The following IFFO2 variants were observed in gnomAD, a reference collection of about 807,000 sequenced individuals.
The protein encoded by IFFO2 is intermediate filament family orphan 2.
Under a neutral mutation model 53.5 loss-of-function variants are expected in IFFO2, and 19 were observed. That is an observed-to-expected ratio of 0.36 (90% CI 0.25 to 0.52). The LOEUF (loss-of-function observed/expected upper bound fraction) is 0.52, where lower values mean the gene tolerates loss of function less well. Ranked by LOEUF, IFFO2 falls within the 20% of genes least tolerant of loss-of-function variation. The probability of loss-of-function intolerance (pLI) is 0.94; values close to 1 mark genes in which losing one functional copy is unlikely to be tolerated. For missense variants in IFFO2, 570 were observed against 727.4 expected (o/e 0.78, Z 2.49); for synonymous variants, 303 against 313.6 (o/e 0.97, Z 0.36).
intron 1 of IFFO2, among the ~76,000 whole-genome samples, chr1:18,926,329 G>C (rs956779407): frequency 6.6e-6 from 1 of 152,194 alleles, no homozygotes; most frequent in Non-Finnish European, 1.5e-5. Context: ...TCCTGGGAGA[G>C]GCCAGGCCAG....
chr1:18,918,562 G>T lies in IFFO2; in HGVS notation c.823-60C>A. ...GGATGGAGCAAGCCTGGGGGGCTTG[G>T]CAGAGAGGTGGGGAGACCCCTAGGT... On this transcript the variant is annotated intron_variant, in intron 3 of 8. Transcript: ENST00000455833. This position sits in a 1 kb window ranked among gnomAD's most constrained non-coding sequence, Gnocchi z 5.2. 2 of 1,528,160 alleles carry T rather than the reference G, an allele frequency of 1.3e-6. No individual in the cohort carries two copies. Among genetic ancestry groups the T allele is most frequent in the Non-Finnish European group, 1.8e-6 (2 of 1,127,428 alleles). 94.7% of individuals were successfully genotyped at this position (1,528,160 alleles called of 1,614,324 possible).
rs1936327158 is a variant in IFFO2 at position 18,928,085 on chromosome 1, C to A, written c.666-6964G>T. On this transcript the variant is annotated intron_variant, in intron 1 of 8. Coordinates refer to ENST00000455833, the MANE Select transcript of IFFO2 (RefSeq NM_001136265.2). The surrounding 1 kb of genome is among the most constrained non-coding windows in gnomAD (Gnocchi z 4.9). ...CACGTGTGGATGCCTTGCCTCCTGA[C>A]TTTCTCTCCCACATGGCACGCTGCA... Among the ~76,000 whole-genome samples the A allele has an allele frequency of 6.6e-6, 1 of 152,194 alleles. No individual in the cohort carries two copies. Among genetic ancestry groups the A allele is most frequent in the Non-Finnish European group, 1.5e-5 (1 of 68,026 alleles).
chr1:18,924,001 T>C (rs902387237), intron 1 of IFFO2, among the ~76,000 whole-genome samples: 4 of 152,204 alleles, frequency 2.6e-5, no homozygotes, highest in African/African-American at 9.6e-5. Flanking sequence ...GGGCTTTTTA[T>C]TTCCAAAGCC....
At chr1:18,914,959 G>A (rs558646655) in intron 5 of IFFO2, among the ~76,000 whole-genome samples, 32 of 152,052 alleles carry the variant, frequency 2.1e-4, no homozygotes, top group East Asian at 7.7e-4. Flanking sequence ...ATACAGCTCC[G>A]ATCCCAGTTC....
intron 1 of IFFO2, among the ~76,000 whole-genome samples, chr1:18,927,067 T>G (rs74775954): frequency 0.014 from 2,115 of 152,222 alleles, 45 homozygotes; most frequent in East Asian, 0.11. Flanking sequence ...TGGGCCTCAG[T>G]TGTCCCCTCT....
At chr1:18,950,217 C>T (rs1223188242) in intron 1 of IFFO2, among the ~76,000 whole-genome samples, 1 of 152,212 alleles carries the variant, frequency 6.6e-6, no homozygotes, top group African/African-American at 2.4e-5. Flanking sequence ...GCCGTTCTCC[C>T]TCCACCCCCA....
intron 1 of IFFO2, among the ~76,000 whole-genome samples, chr1:18,929,513 C>T (rs533813477): frequency 1.6e-3 from 246 of 152,312 alleles, no homozygotes; most frequent in Non-Finnish European, 2.5e-3. Context: ...TGAGTCCCAT[C>T]GCCAGGCAGG....
rs200118096 is a variant in IFFO2, at chr1:18,919,846, T to A, written c.727-73A>T. 3 of 1,083,762 alleles carry A rather than the reference T, an allele frequency of 2.8e-6. No individual in the cohort carries two copies. In the East Asian group the frequency reaches 7.8e-5, roughly 28 times the overall value. The allele number at this position is 1,083,762 out of a possible 1,614,324, so 67.1% of individuals were successfully genotyped here. ...GGATAGGAGGGTCTGGACACCTGAG[T>A]CCAGAGCCCTAGGCACCCGATGTCC... On this transcript the variant is annotated intron_variant, in intron 2 of 8. Transcript: ENST00000455833. This position sits in a 1 kb window ranked among gnomAD's most constrained non-coding sequence, Gnocchi z 4.9.
chr1:18,931,306 C>T (rs1032887873), intron 1 of IFFO2, among the ~76,000 whole-genome samples: 1 of 152,178 alleles, frequency 6.6e-6, no homozygotes, highest in African/African-American at 2.4e-5. Context: ...TCCCCCTACC[C>T]CTAAAAAACC....
At chr1:18,922,622 T>C (rs4603153) in intron 1 of IFFO2, among the ~76,000 whole-genome samples, 143,443 of 152,168 alleles carry the variant, frequency 0.94, 67,630 homozygotes, top group South Asian at 0.96. Context: ...GCATTAGCTG[T>C]TAGGCTGAGA....
In IFFO2 at chr1:18,916,443, A is replaced by G. The variant is rs1425063414; in HGVS notation, c.1103+460T>C. Reference sequence around the variant, plus strand: ...CTCGAGCTTCCAAGAGAGGCTGAACATATGAAATTTCCCAAATTACAAATG... The same window carrying G: ...CTCGAGCTTCCAAGAGAGGCTGAACGTATGAAATTTCCCAAATTACAAATG... On this transcript the variant is annotated intron_variant, in intron 5 of 8. Transcript: ENST00000455833. This position sits in a 1 kb window ranked among gnomAD's most constrained non-coding sequence, Gnocchi z 4.3. Among the ~76,000 whole-genome samples, 1 of 152,116 alleles carries G rather than the reference A, an allele frequency of 6.6e-6. No homozygotes were observed. Among genetic ancestry groups the G allele is most frequent in the African/African-American group, 2.4e-5 (1 of 41,424 alleles).
In IFFO2 at chr1:18,906,912, T is replaced by C. The variant is rs1007982976; in HGVS notation, c.*1649A>G. 6.6e-6 allele frequency: 1 copy of C among 152,182 alleles called. No homozygotes were observed. The highest frequency in any genetic ancestry group is 1.5e-5 in the Non-Finnish European group (1 of 68,028). The allele number at this position is 152,182 out of a possible 1,614,324, so 9.4% of individuals were successfully genotyped here. A position where few individuals can be genotyped will look rare whatever the true frequency, so the allele number is the denominator to read the frequency against. ...CACTAACACATTCTCACGCTCTCTC[T>C]CTCTCTCTACATATATCTTTTATGT... On this transcript the variant is annotated 3_prime_UTR_variant, in exon 9 of 9. Transcript: ENST00000455833.
intron 1 of IFFO2, among the ~76,000 whole-genome samples, chr1:18,927,373 C>T (rs1423731768): frequency 6.6e-6 from 1 of 152,242 alleles, no homozygotes; most frequent in African/African-American, 2.4e-5. Context: ...TCATTCTGGG[C>T]CAAGCGTGGG....
intron 1 of IFFO2, among the ~76,000 whole-genome samples, chr1:18,949,356 C>T (rs1936629693): frequency 6.6e-6 from 1 of 152,250 alleles, no homozygotes; most frequent in African/African-American, 2.4e-5. Flanking sequence ...GTAGTTACAA[C>T]TCCGGGTGTG....
chr1:18,938,640 T>C (rs1046823865), intron 1 of IFFO2, among the ~76,000 whole-genome samples: 1 of 152,152 alleles, frequency 6.6e-6, no homozygotes, highest in African/African-American at 2.4e-5. Context: ...AGCCCATCCC[T>C]GCACCTCTCT....
chr1:18,948,399 C>T (rs1451996853), intron 1 of IFFO2, among the ~76,000 whole-genome samples: 1 of 152,230 alleles, frequency 6.6e-6, no homozygotes, highest in Admixed American at 6.5e-5. Flanking sequence ...TGTCCCCATT[C>T]CCACGTGGGC....
chr1:18,930,489 T>G (rs917380961), intron 1 of IFFO2, among the ~76,000 whole-genome samples: 1 of 152,164 alleles, frequency 6.6e-6, no homozygotes. Flanking sequence ...AGCCAGATGC[T>G]AATGCCACAG....
At chr1:18,943,185 A>C (rs918288432) in intron 1 of IFFO2, among the ~76,000 whole-genome samples, 8 of 152,066 alleles carry the variant, frequency 5.3e-5, no homozygotes, top group Non-Finnish European at 8.8e-5. Flanking sequence ...CCGGCAACAT[A>C]GCGAGACCCC....
chr1:18,955,711 C>T lies in IFFO2; in HGVS notation c.622G>A (p.Val208Met). 6.3e-7 allele frequency: 1 copy of T among 1,595,890 alleles called. No individual in the cohort carries two copies. The highest frequency in any genetic ancestry group is 8.5e-7 in the Non-Finnish European group (1 of 1,174,060). The change falls in exon 1 of 9, where the codon GTG becomes ATG. Residue 208 changes from valine (V) to methionine (M), a missense_variant. Coordinates refer to ENST00000455833, the MANE Select transcript of IFFO2 (RefSeq NM_001136265.2). ...ITPEIRALYN[V>M]LAKVKRERDE... is the part of the protein sequence containing the mutation. ...CGCTCGCGCTTCACCTTGGCCAGCA[C>T]GTTGTAGAGCGCGCGGATCTCCGGC... is the stretch of plus-strand genomic sequence containing the variant.
Sources: allele counts gnomAD v4.1 joint callset (sites outside exome capture counted in the v4.1 genomes callset), GRCh38; gene constraint gnomAD v4.1.1; non-coding constraint Gnocchi (gnomAD v3.1); transcripts MANE v1.5; gene names NCBI Gene and HGNC (gene_info 2026-07-23, HGNC 2026-07-21).